TAS2R1: variants seen among roughly 807,000 people sequenced by gnomAD.
TAS2R1 encodes the protein taste receptor type 2 member 1.
For missense variants in TAS2R1, 370 were observed against 353.4 expected, an observed-to-expected ratio of 1.05 and a Z score of -0.38; for synonymous variants, 141 against 134.2, an observed-to-expected ratio of 1.05 and a Z score of -0.35.
the TAS2R1 span, among the ~76,000 whole-genome samples, chr5:9,842,174 T>C: frequency 6.6e-6 from 1 of 150,428 alleles, no homozygotes; most frequent in Non-Finnish European, 1.5e-5. Flanking sequence ...TGTTTTTTCT[T>C]AGTCCTGTTT....
the TAS2R1 span, among the ~76,000 whole-genome samples, chr5:9,724,971 AGCCC>A: frequency 6.6e-6 from 1 of 152,268 alleles, no homozygotes; most frequent in Admixed American, 6.5e-5. Context: ...TTTGTGGGGC[AGCCC>A]ATTTGAAACA....
the TAS2R1 span, among the ~76,000 whole-genome samples, chr5:9,797,760 T>C: frequency 6.6e-6 from 1 of 152,174 alleles, no homozygotes; most frequent in Non-Finnish European, 1.5e-5. Flanking sequence ...TTTAGCTTAA[T>C]TTTGAACTCT....
chr5:9,831,400 A>C, the TAS2R1 span, among the ~76,000 whole-genome samples: 1 of 152,200 alleles, frequency 6.6e-6, no homozygotes, highest in Non-Finnish European at 1.5e-5. Context: ...CGAAACAATA[A>C]AATTTTATAG....
At chr5:9,814,034 T>G in the TAS2R1 span, among the ~76,000 whole-genome samples, 1 of 152,306 alleles carries the variant, frequency 6.6e-6, no homozygotes, top group Admixed American at 6.5e-5. Context: ...GACACTCCAC[T>G]ATTCTTTTCT....
At position 9,627,771 on chromosome 5, in the gene TAS2R1, A is replaced by T. The variant is rs1469677353; in HGVS notation, c.*1362T>A. ...CGTGGGAAAATGAAATAGCAGGAAG[A>T]TGGAGGCTGTCATTTTGCTCCTTGG... On this transcript the variant is annotated 3_prime_UTR_variant, in exon 1 of 1. Coordinates refer to ENST00000382492, the MANE Select transcript of TAS2R1 (RefSeq NM_019599.3). Among the ~76,000 whole-genome samples, 1 of 152,192 alleles carries T rather than the reference A, an allele frequency of 6.6e-6. No homozygotes were observed. Among genetic ancestry groups the T allele is most frequent in the East Asian group, 1.9e-4 (1 of 5,190 alleles).
chr5:9,831,292 T>TGATATC, the TAS2R1 span, among the ~76,000 whole-genome samples: 1 of 152,062 alleles, frequency 6.6e-6, no homozygotes, highest in Non-Finnish European at 1.5e-5. Context: ...CATGAGGAAA[T>TGATATC]ACTGATAATA....
chr5:9,780,701 G>A, the TAS2R1 span, among the ~76,000 whole-genome samples: 1,818 of 152,294 alleles, frequency 0.012, 21 homozygotes, highest in African/African-American at 0.023. Context: ...GCGCGCGCGC[G>A]CGCATGCACG....
chr5:9,719,851 G>A, the TAS2R1 span, among the ~76,000 whole-genome samples: 1 of 148,334 alleles, frequency 6.7e-6, no homozygotes. Flanking sequence ...CTGGGAGGCG[G>A]AGCTTGCAGT....
intron 1 of TAS2R1, among the ~76,000 whole-genome samples, chr5:9,694,352 C>T (rs1741314760): frequency 6.6e-6 from 1 of 152,042 alleles, no homozygotes. Flanking sequence ...AAGACATAAA[C>T]CAAAAATGAC....
chr5:9,819,381 G>T, the TAS2R1 span, among the ~76,000 whole-genome samples: 1 of 152,120 alleles, frequency 6.6e-6, no homozygotes. Flanking sequence ...ATTTTTTTAA[G>T]GTGAAGGTTT....
the TAS2R1 span, among the ~76,000 whole-genome samples, chr5:9,785,539 T>C: frequency 6.6e-6 from 1 of 152,248 alleles, no homozygotes; most frequent in Non-Finnish European, 1.5e-5. Context: ...AGCTGTTCAA[T>C]AAATATGAGT....
chr5:9,895,568 G>A, the TAS2R1 span, among the ~76,000 whole-genome samples: 3 of 152,178 alleles, frequency 2.0e-5, no homozygotes, highest in Non-Finnish European at 2.9e-5. Context: ...CAACAGAGAG[G>A]TCTTTCTTTT....
chr5:9,789,839 C>A, the TAS2R1 span, among the ~76,000 whole-genome samples: 2 of 152,224 alleles, frequency 1.3e-5, no homozygotes, highest in Non-Finnish European at 2.9e-5. Flanking sequence ...CAGGGATTTA[C>A]AGCAACAAGT....
the TAS2R1 span, among the ~76,000 whole-genome samples, chr5:9,752,040 G>C: frequency 6.6e-6 from 1 of 152,162 alleles, no homozygotes; most frequent in Non-Finnish European, 1.5e-5. Context: ...GTAGTTGATG[G>C]TTTCCCGTGG....
intron 1 of TAS2R1, among the ~76,000 whole-genome samples, chr5:9,686,433 C>T (rs1741125330): frequency 6.6e-6 from 1 of 152,130 alleles, no homozygotes; most frequent in African/African-American, 2.4e-5. Flanking sequence ...GAAATCCAGC[C>T]CATGGCGAAC....
the TAS2R1 span, among the ~76,000 whole-genome samples, chr5:9,898,556 A>C: frequency 1.3e-5 from 2 of 152,224 alleles, no homozygotes; most frequent in South Asian, 4.1e-4. Context: ...GGTTACAGAC[A>C]GAATTCTGCC....
chr5:9,820,953 A>G, the TAS2R1 span, among the ~76,000 whole-genome samples: 1 of 152,066 alleles, frequency 6.6e-6, no homozygotes. Context: ...ACATGGAAAC[A>G]TGAATCCCGG....
chr5:9,675,176 GA>G (rs1740849174), intron 1 of TAS2R1, among the ~76,000 whole-genome samples: 2 of 149,554 alleles, frequency 1.3e-5, no homozygotes, highest in Non-Finnish European at 3.0e-5. Flanking sequence ...ATAAATCAAA[GA>G]AGATCAAAAT....
At chr5:9,752,925 C>T in the TAS2R1 span, among the ~76,000 whole-genome samples, 4 of 152,188 alleles carry the variant, frequency 2.6e-5, no homozygotes, top group Non-Finnish European at 5.9e-5. Flanking sequence ...ATATGTGCCA[C>T]ATTTTCTTAA....
Sources: gnomAD v4.1 joint callset for allele counts (sites outside exome capture counted in the v4.1 genomes callset) on GRCh38, gnomAD v4.1.1 for gene constraint, MANE v1.5 for transcripts, NCBI Gene and HGNC (gene_info 2026-07-23, HGNC 2026-07-21) for gene names.